The following BTBD9 variants were observed in gnomAD, a reference collection of about 807,000 sequenced individuals.
The protein encoded by BTBD9 is BTB/POZ domain-containing protein 9.
In BTBD9, 49 loss-of-function variants were observed where a neutral mutation model predicts 64.3. The ratio of observed to expected loss-of-function variants is 0.76; its 90% CI spans 0.61 to 0.97. The LOEUF (loss-of-function observed/expected upper bound fraction) is 0.97. Among genes scored for constraint, BTBD9 ranks in the 50% least tolerant of loss-of-function variants. The probability of loss-of-function intolerance (pLI) is 0.00; values close to 1 mark genes in which losing one functional copy is unlikely to be tolerated. For synonymous variants in BTBD9, 260 were observed against 274.7 expected (o/e 0.95, Z 0.53); for missense variants, 598 against 762.1 (o/e 0.78, Z 2.53).
At chr6:38,368,332 A>C (rs1765269728) in intron 6 of BTBD9, among the ~76,000 whole-genome samples, 1 of 151,594 alleles carries the variant, frequency 6.6e-6, no homozygotes, top group African/African-American at 2.4e-5. Context: ...GAGCTCCTTT[A>C]CCCTTTTTTT....
In BTBD9 at chr6:38,303,872, TATAC is replaced by T. The variant is rs1350041315; in HGVS notation, c.1265-15415_1265-15412del. On this transcript the variant is annotated intron_variant, in intron 7 of 10. Transcript: ENST00000481247. ...ATATATATATATATATATATATATATATACACACACACACATGTGTATATATATA... is the reference window on the plus strand; with the variant it reads ...ATATATATATATATATATATATATATACACACACACATGTGTATATATATA... Among the ~76,000 whole-genome samples, 68 of 106,632 alleles carry T rather than the reference TATAC, an allele frequency of 6.4e-4. No individual in the cohort carries two copies. The East Asian group carries it at 0.011, about 17-fold the overall frequency. 70.0% of individuals were successfully genotyped at this position (106,632 alleles called of 152,430 possible).
intron 9 of BTBD9, among the ~76,000 whole-genome samples, chr6:38,238,868 T>C (rs1763889356): frequency 6.6e-6 from 1 of 152,106 alleles, no homozygotes; most frequent in South Asian, 2.1e-4. Flanking sequence ...AGATCTGTGT[T>C]GATGTTAATG....
At chr6:38,533,769 C>T in intron 6 of BTBD9, among the ~76,000 whole-genome samples, 1 of 151,972 alleles carries the variant, frequency 6.6e-6, no homozygotes, top group South Asian at 2.1e-4. Flanking sequence ...GCAAATTAAA[C>T]AATATGCTCT....
intron 9 of BTBD9, among the ~76,000 whole-genome samples, chr6:38,228,790 C>T (rs1029787646): frequency 6.6e-6 from 1 of 151,942 alleles, no homozygotes; most frequent in Admixed American, 6.6e-5. Flanking sequence ...AGGAGAATCG[C>T]TTGAACCCAG....
chr6:38,377,027 T>C (rs1392091397), intron 6 of BTBD9, among the ~76,000 whole-genome samples: 4 of 152,214 alleles, frequency 2.6e-5, no homozygotes, highest in African/African-American at 4.8e-5. Flanking sequence ...TCTAAACCAA[T>C]TGTTTTAGTT....
intron 2 of BTBD9, chr6:38,595,654 T>G: frequency 2.7e-6 from 1 of 369,728 alleles, no homozygotes; most frequent in Non-Finnish European, 3.7e-6. Flanking sequence ...GGACTAGCAT[T>G]TCAGGTTTAC....
chr6:38,325,039 T>C (rs1763368157), intron 7 of BTBD9, among the ~76,000 whole-genome samples: 1 of 152,256 alleles, frequency 6.6e-6, no homozygotes, highest in Middle Eastern at 3.4e-3. Flanking sequence ...ACTATATAAA[T>C]TTGCTAATAA....
chr6:38,460,956 T>C (rs537277253), intron 6 of BTBD9, among the ~76,000 whole-genome samples: 1 of 152,294 alleles, frequency 6.6e-6, no homozygotes, highest in Admixed American at 6.5e-5. Flanking sequence ...GCTGGATAAC[T>C]TAGTAATTAA....
chr6:38,551,179 C>T (rs1260362433), intron 6 of BTBD9, among the ~76,000 whole-genome samples: 1 of 152,194 alleles, frequency 6.6e-6, no homozygotes, highest in Non-Finnish European at 1.5e-5. Flanking sequence ...TCTATGAAGA[C>T]AGACATGTTG....
intron 6 of BTBD9, among the ~76,000 whole-genome samples, chr6:38,387,721 A>C (rs9357269): frequency 0.38 from 57,517 of 151,966 alleles, 13,284 homozygotes; most frequent in East Asian, 0.87. Flanking sequence ...AAAAGTATAT[A>C]ATTCATTTTG....
At chr6:38,309,318 G>A (rs995663719) in intron 7 of BTBD9, among the ~76,000 whole-genome samples, 3 of 151,600 alleles carry the variant, frequency 2.0e-5, no homozygotes, top group African/African-American at 4.8e-5. Flanking sequence ...GCAGTGAGCC[G>A]AGATCATACC....
At chr6:38,558,837 T>C (rs1044862549) in intron 6 of BTBD9, among the ~76,000 whole-genome samples, 1 of 152,196 alleles carries the variant, frequency 6.6e-6, no homozygotes, top group Non-Finnish European at 1.5e-5. Context: ...GATATTGGCC[T>C]GTAGTTTTCT....
intron 7 of BTBD9, among the ~76,000 whole-genome samples, chr6:38,313,219 TGC>T (rs1762906099): frequency 6.6e-6 from 1 of 152,220 alleles, no homozygotes; most frequent in Admixed American, 6.5e-5. Flanking sequence ...CATATAAAAA[TGC>T]TACTGGTGAT....
intron 6 of BTBD9, among the ~76,000 whole-genome samples, chr6:38,357,108 C>T (rs1442569376): frequency 2.6e-5 from 4 of 152,116 alleles, no homozygotes; most frequent in African/African-American, 9.7e-5. Flanking sequence ...TCCAATTTTC[C>T]ATCAGGATGA....
intron 6 of BTBD9, among the ~76,000 whole-genome samples, chr6:38,441,566 C>A (rs900122915): frequency 6.6e-6 from 1 of 152,008 alleles, no homozygotes; most frequent in Non-Finnish European, 1.5e-5. Context: ...GCACCCGCTA[C>A]CGTGCCTGGC....
chr6:38,240,005 T>C (rs1763940196), intron 9 of BTBD9, among the ~76,000 whole-genome samples: 1 of 152,192 alleles, frequency 6.6e-6, no homozygotes, highest in Admixed American at 6.5e-5. Context: ...AGGTTATTGT[T>C]GGCAATACAA....
chr6:38,438,703 T>C (rs1281619716), intron 6 of BTBD9, among the ~76,000 whole-genome samples: 1 of 152,192 alleles, frequency 6.6e-6, no homozygotes, highest in Non-Finnish European at 1.5e-5. Context: ...CCAGGTATAG[T>C]TCTAGGTGCT....
Position 38,344,925 on chromosome 6 carries a change from A to G in BTBD9, c.1264+59T>C, listed in dbSNP as rs2127589844. On this transcript the variant is annotated intron_variant, in intron 7 of 10. Coordinates refer to ENST00000481247, the MANE Select transcript of BTBD9 (RefSeq NM_001099272.2). ...GATTAAGATAAGTTAAGAGAGTAACAAAGTATTTGAAGATAAAATATCCAA... is the reference window on the plus strand; with the variant it reads ...GATTAAGATAAGTTAAGAGAGTAACGAAGTATTTGAAGATAAAATATCCAA... The G allele has an allele frequency of 3.5e-6, 4 of 1,130,036 alleles. No individual in the cohort carries two copies. The South Asian group carries it at 4.3e-5, about 12-fold the overall frequency. The allele number at this position is 1,130,036 out of a possible 1,614,324, so 70.0% of individuals were successfully genotyped here.
At chr6:38,590,931 C>A (rs147551144) in intron 4 of BTBD9, among the ~76,000 whole-genome samples, 1 of 152,050 alleles carries the variant, frequency 6.6e-6, no homozygotes, top group African/African-American at 2.4e-5. Flanking sequence ...CCATTGTATC[C>A]GTTCTAATCA....
Sources: allele counts gnomAD v4.1 joint callset (sites outside exome capture counted in the v4.1 genomes callset), GRCh38; gene constraint gnomAD v4.1.1; transcripts MANE v1.5; gene names NCBI Gene and HGNC (gene_info 2026-07-23, HGNC 2026-07-21).